PAQR6: variants seen among roughly 807,000 people sequenced by gnomAD.
PAQR6 encodes progestin and adipoQ receptor family member 6.
PAQR6 carries 34 observed loss-of-function variants against 36.2 expected under a neutral mutation model. The observed-to-expected ratio is 0.94, with a 90% CI of 0.71 to 1.25. The LOEUF is 1.25. Ranked by LOEUF, PAQR6 falls within the 50% of genes most tolerant of loss-of-function variation. The probability of loss-of-function intolerance (pLI) is 0.00; values close to 1 mark genes in which losing one functional copy is unlikely to be tolerated. For synonymous variants in PAQR6, 190 were observed against 190.7 expected (o/e 1.00, Z 0.03); for missense variants, 431 against 445.7 (o/e 0.97, Z 0.30).
At chr1:156,244,458 A>C in intron 7 of PAQR6, 55 bp from the exon 8 acceptor site, 1 of 1,443,992 alleles carries the variant, frequency 6.9e-7, no homozygotes, top group Non-Finnish European at 9.1e-7. Context: ...AAGTCACCCC[A>C]TCCTCTGGGC....
In PAQR6 at chr1:156,245,340, T is replaced by C. The variant is rs1660224419; in HGVS notation, c.513-102A>G. ...GCAAAGATGGAATATCAGCACAGCC[T>C]GCAGCTAAGAAAACCGTTAGGGCAT... On this transcript the variant is annotated intron_variant, in intron 5 of 7. Transcript: ENST00000292291. 2.9e-6 allele frequency: 4 copies of C among 1,378,172 alleles called. No homozygotes were observed. The African/African-American group carries it at 4.3e-5, about 15-fold the overall frequency. 85.4% of individuals were successfully genotyped at this position (1,378,172 alleles called of 1,614,324 possible). A position where few individuals can be genotyped will look rare whatever the true frequency, so the allele number is the denominator to read the frequency against.
chr1:156,244,082 T>C lies in PAQR6; in HGVS notation c.*47A>G, dbSNP rs1659781102. On this transcript the variant is annotated 3_prime_UTR_variant, in exon 8 of 8. Coordinates refer to ENST00000292291, the MANE Select transcript of PAQR6 (RefSeq NM_198406.3). ...CCAAATCTGGGCTCCTCGTCAGCACTGGGGCCTGGCCTCTGCCCCCTCCAG... is the reference window on the plus strand; with the variant it reads ...CCAAATCTGGGCTCCTCGTCAGCACCGGGGCCTGGCCTCTGCCCCCTCCAG... 2 of 1,612,656 alleles carry C rather than the reference T, an allele frequency of 1.2e-6. No homozygotes were observed. Among genetic ancestry groups the C allele is most frequent in the African/African-American group, 2.7e-5 (2 of 74,912 alleles).
chr1:156,247,163 C>T (rs1383407402), intron 1 of PAQR6, among the ~76,000 whole-genome samples: 1 of 152,240 alleles, frequency 6.6e-6, no homozygotes, highest in African/African-American at 2.4e-5. Flanking sequence ...GCTTCGCCCA[C>T]AGCGCCTGAA....
At chr1:156,244,589 G>A (rs990052043) in intron 7 of PAQR6, 172 bp downstream of exon 7, 11 of 1,437,398 alleles carry the variant, frequency 7.7e-6, no homozygotes, top group Non-Finnish European at 1.0e-5. Context: ...TACCTGAGAA[G>A]TGGCAGGTGG....
intron 6 of PAQR6, 76 bp from the exon 7 acceptor site, chr1:156,244,987 G>A: frequency 6.3e-7 from 1 of 1,594,246 alleles, no homozygotes; most frequent in Admixed American, 1.7e-5. Context: ...ATCTGGTGAG[G>A]ACGCAGAGCG....
At chr1:156,245,103 G>A in intron 6 of PAQR6, 39 bp downstream of exon 6, 1 of 1,606,278 alleles carries the variant, frequency 6.2e-7, no homozygotes, top group Non-Finnish European at 8.5e-7. Context: ...GTCAGGACAG[G>A]AAAGCAGGAG....
chr1:156,246,576 C>G, intron 2 of PAQR6, 105 bp downstream of exon 2: 1 of 1,297,820 alleles, frequency 7.7e-7, no homozygotes, highest in Non-Finnish European at 1.1e-6. Context: ...GGTAAGAGTT[C>G]GCCTGCAGGA....
intron 5 of PAQR6, 138 bp downstream of exon 5, chr1:156,245,397 T>C: frequency 7.0e-7 from 1 of 1,424,972 alleles, no homozygotes; most frequent in Non-Finnish European, 9.7e-7. Flanking sequence ...CACATCTGTA[T>C]GTGGGGATAA....
rs1227740915 is a variant in PAQR6, at chr1:156,243,961, C to T, written c.*168G>A. On this transcript the variant is annotated 3_prime_UTR_variant, in exon 8 of 8. Transcript: ENST00000292291. ...GTCCCTCTCACACTCTGCCAGTCCCCCTAGACACCCCTCCTCTTCTCTGCC... is the reference window on the plus strand; with the variant it reads ...GTCCCTCTCACACTCTGCCAGTCCCTCTAGACACCCCTCCTCTTCTCTGCC... 10 of 1,614,184 alleles carry T rather than the reference C, an allele frequency of 6.2e-6. No individual in the cohort carries two copies. Among genetic ancestry groups the T allele is most frequent in the Non-Finnish European group, 5.1e-6 (6 of 1,180,004 alleles).
Position 156,243,897 on chromosome 1 carries a change from C to T in PAQR6, c.*232G>A, listed in dbSNP as rs1351232767. 4 of 1,611,644 alleles carry T rather than the reference C, an allele frequency of 2.5e-6. No individual in the cohort carries two copies. The highest frequency in any genetic ancestry group is 3.4e-6 in the Non-Finnish European group (4 of 1,178,194). ...ACGCATGCATCTCCCCTCTCAGACC[C>T]TCAGCACTTCTTCCACTCCCATCAA... is the stretch of plus-strand genomic sequence containing the variant. On this transcript the variant is annotated 3_prime_UTR_variant, in exon 8 of 8. Transcript: ENST00000292291.
At position 156,243,664 on chromosome 1, in the gene PAQR6, C is replaced by A; in HGVS notation, c.*465G>T. The A allele has an allele frequency of 4.4e-6, 3 of 678,446 alleles. No homozygotes were observed. The highest frequency in any genetic ancestry group is 7.3e-6 in the Non-Finnish European group (3 of 411,036). The allele number at this position is 678,446 out of a possible 1,614,324, so 42.0% of individuals were successfully genotyped here. ...AATAGCTGCTGGCAAACTGGCATTA[C>A]CTGGTTTGTGGGGATGGGGGGGCAA... On this transcript the variant is annotated 3_prime_UTR_variant, in exon 8 of 8. Coordinates refer to ENST00000292291, the MANE Select transcript of PAQR6 (RefSeq NM_198406.3).
rs370323299 is a variant in PAQR6 at position 156,244,013 on chromosome 1, C to G, written c.*116G>C. ...TCTCTCCTGTGCCCTCTCTCCTCAG[C>G]CCCTGTTGGTTCCAGGCTGAGATGC... On this transcript the variant is annotated 3_prime_UTR_variant, in exon 8 of 8. Coordinates refer to ENST00000292291, the MANE Select transcript of PAQR6 (RefSeq NM_198406.3). 6.2e-7 allele frequency: 1 copy of G among 1,614,092 alleles called. No homozygotes were observed. The highest frequency in any genetic ancestry group is 1.3e-5 in the African/African-American group (1 of 74,938).
chr1:156,244,298 T>C lies in PAQR6; in HGVS notation c.866A>G (p.Gln289Arg). The C allele has an allele frequency of 6.2e-7, 1 of 1,613,238 alleles. No individual in the cohort carries two copies. Among genetic ancestry groups the C allele is most frequent in the Non-Finnish European group, 8.5e-7 (1 of 1,179,900 alleles). ...GCCTGCCAGGCCCAGGGCAGGTTCC[T>C]GTGTGGCCAGCCAGGCTCTGCGTGA... ...MGSRRAWLATQEPALGLAGTV... is the reference protein window; with the variant it reads ...MGSRRAWLATREPALGLAGTV... Residue 289 changes from glutamine (Q) to arginine (R), a missense_variant, in exon 8 of 8, where the codon CAG becomes CGG. Gln to Arg is a conservative substitution (Grantham distance 43, BLOSUM62 1). Coordinates refer to ENST00000292291, the MANE Select transcript of PAQR6 (RefSeq NM_198406.3).
In PAQR6 at chr1:156,244,139, T is replaced by G; in HGVS notation, c.1025A>C (p.Lys342Thr). 1.2e-6 allele frequency: 2 copies of G among 1,603,816 alleles called. No homozygotes were observed. The highest frequency in any genetic ancestry group is 1.7e-6 in the Non-Finnish European group (2 of 1,172,100). Residue 342 changes from lysine (K) to threonine (T), a missense_variant, in exon 8 of 8, where the codon AAA (lysine) becomes ACA (threonine). Lys to Thr is a moderately conservative substitution (Grantham distance 78, BLOSUM62 -1). Coordinates refer to ENST00000292291, the MANE Select transcript of PAQR6 (RefSeq NM_198406.3). ...GGPLEGGTQAKQQ is the reference protein window; with the variant it reads ...GGPLEGGTQATQQ ...GTCAGGGATGGGGCCTCACTGTTGT[T>G]TGGCCTGGGTACCCCCCTCCAGTGG...
Position 156,245,196 on chromosome 1 carries a change from G to C in PAQR6, c.555C>G (p.Arg185=), listed in dbSNP as rs769807368. ...GGAATGGATAGGCGAAGGCTCCTGT[G>C]CGGAGGACCTTACTGAGCCCAGGGC... is the stretch of plus-strand genomic sequence containing the variant. ...LESPGLSKVL[R]TGAFAYPFLF... Residue 185 remains arginine, a synonymous_variant, in exon 6 of 8, where the codon CGC becomes CGG. Transcript: ENST00000292291. 1.2e-6 allele frequency: 2 copies of C among 1,614,036 alleles called. No individual in the cohort carries two copies. Among genetic ancestry groups the C allele is most frequent in the East Asian group, 2.2e-5 (1 of 44,894 alleles).
rs1293834830 is a variant in PAQR6 at position 156,244,761 on chromosome 1, C to T, written c.760G>A (p.Gly254Ser). 12 of 1,613,682 alleles carry T rather than the reference C, an allele frequency of 7.4e-6. No individual in the cohort carries two copies. Among genetic ancestry groups the T allele is most frequent in the Non-Finnish European group, 1.0e-5 (12 of 1,180,034 alleles). Residue 254 changes from glycine (G) to serine (S), a missense_variant and splice_region_variant, in exon 7 of 8, where the codon GGC (glycine) becomes AGC (serine). Gly to Ser is a moderately conservative substitution (Grantham distance 56). Transcript: ENST00000292291. ...RLAPGRFDYIGHSHQLFHICA... is the reference protein window; with the variant it reads ...RLAPGRFDYISHSHQLFHICA... Reference sequence around the variant, plus strand: ...CGGGCCGGGCCAGGCGTGCCCTCACCGATGTAATCAAAGCGTCCTGGTGCC... The same window carrying T: ...CGGGCCGGGCCAGGCGTGCCCTCACTGATGTAATCAAAGCGTCCTGGTGCC...
At position 156,244,154 on chromosome 1, in the gene PAQR6, C is replaced by T. The variant is rs754948616; in HGVS notation, c.1010G>A (p.Gly337Glu). The T allele has an allele frequency of 1.7e-5, 28 of 1,604,936 alleles. No homozygotes were observed. The East Asian group carries it at 5.4e-4, about 31-fold the overall frequency. The change falls in exon 8 of 8, where the codon GGG (glycine) becomes GAG (glutamate). Residue 337 changes from glycine to glutamate, a missense_variant. Transcript: ENST00000292291. ...CPLLQGGPLE[G>E]GTQAKQQ ...TCACTGTTGTTTGGCCTGGGTACCC[C>T]CCTCCAGTGGGCCACCCTGCAGCAG... is the stretch of plus-strand genomic sequence containing the variant.
intron 2 of PAQR6, 26 bp downstream of exon 2, chr1:156,246,655 G>T: frequency 6.2e-7 from 1 of 1,611,724 alleles, no homozygotes; most frequent in South Asian, 1.1e-5. Context: ...ATGGGGGTTG[G>T]TGGGTCAGTG....
Position 156,243,864 on chromosome 1 carries a change from G to C in PAQR6, c.*265C>G, listed in dbSNP as rs774454261. ...TTGACAGAATATAGGGGCATCTTCA[G>C]CCTGGACACGCATGCATCTCCCCTC... On this transcript the variant is annotated 3_prime_UTR_variant, in exon 8 of 8. Transcript: ENST00000292291. 4 of 1,592,392 alleles carry C rather than the reference G, an allele frequency of 2.5e-6. No individual in the cohort carries two copies. Among genetic ancestry groups the C allele is most frequent in the Non-Finnish European group, 3.4e-6 (4 of 1,165,018 alleles).
Sources: allele counts gnomAD v4.1 joint callset (sites outside exome capture counted in the v4.1 genomes callset), GRCh38; gene constraint gnomAD v4.1.1; transcripts MANE v1.5; gene names NCBI Gene and HGNC (gene_info 2026-07-23, HGNC 2026-07-21).